The following CCDC73 variants were observed in gnomAD, a reference collection of about 807,000 sequenced individuals.
The protein encoded by CCDC73 is coiled-coil domain containing 73, also known as coiled-coil domain-containing protein 73.
CCDC73 carries 95 observed loss-of-function variants against 116.5 expected under a neutral mutation model. The ratio of observed to expected loss-of-function variants is 0.82; its 90% CI spans 0.69 to 0.97. CCDC73 has a LOEUF of 0.97. CCDC73 is among the 50% of genes least tolerant of loss of function. The pLI is 0.00. For synonymous variants in CCDC73, 398 were observed against 401.3 expected, an observed-to-expected ratio of 0.99 and a Z score of 0.10; for missense variants, 1,066 against 1,206.8, an observed-to-expected ratio of 0.88 and a Z score of 1.73.
chr11:32,634,436 C>T (rs996772968), intron 14 of CCDC73, among the ~76,000 whole-genome samples: 1 of 151,990 alleles, frequency 6.6e-6, no homozygotes, highest in African/African-American at 2.4e-5. Flanking sequence ...AAGCATTTGA[C>T]AAAATTTAAT....
At chr11:32,702,034 G>A (rs1216879051) in intron 4 of CCDC73, among the ~76,000 whole-genome samples, 1 of 152,158 alleles carries the variant, frequency 6.6e-6, no homozygotes, top group Non-Finnish European at 1.5e-5. Context: ...TACACTTTTG[G>A]CTTTTGCTTC....
chr11:32,694,528 G>C (rs1357727859), intron 6 of CCDC73, among the ~76,000 whole-genome samples: 1 of 151,966 alleles, frequency 6.6e-6, no homozygotes, highest in Admixed American at 6.6e-5. Flanking sequence ...AAACCAATGT[G>C]GCACACGTTT....
chr11:32,641,503 T>C (rs969919520), intron 13 of CCDC73, among the ~76,000 whole-genome samples: 1 of 151,990 alleles, frequency 6.6e-6, no homozygotes, highest in Non-Finnish European at 1.5e-5. Flanking sequence ...AAAATGGTAA[T>C]ACTACAGAAG....
At chr11:32,817,213 C>T in the CCDC73 span, among the ~76,000 whole-genome samples, 3 of 152,178 alleles carry the variant, frequency 2.0e-5, no homozygotes, top group East Asian at 1.9e-4. Flanking sequence ...TTTTTTTAAA[C>T]GTCAACGCAA....
chr11:32,823,799 G>A, the CCDC73 span, among the ~76,000 whole-genome samples: 2 of 152,114 alleles, frequency 1.3e-5, no homozygotes, highest in African/African-American at 4.8e-5. Flanking sequence ...GAGTGCAGTG[G>A]TGCAATCATA....
rs185577755 is a variant in CCDC73 at position 32,643,496 on chromosome 11, G to A, written c.940-1414C>T. ...ATGGTATAGCCTACTAATGGTATACGTAGACTATATAGTATAGCTTATTGC... is the reference window on the plus strand; with the variant it reads ...ATGGTATAGCCTACTAATGGTATACATAGACTATATAGTATAGCTTATTGC... On this transcript the variant is annotated intron_variant, in intron 12 of 17. Coordinates refer to ENST00000335185, the MANE Select transcript of CCDC73 (RefSeq NM_001008391.4). Among the ~76,000 whole-genome samples, 14 of 152,142 alleles carry A rather than the reference G, an allele frequency of 9.2e-5. No homozygotes were observed. In the East Asian group the frequency reaches 9.6e-4, roughly 10 times the overall value.
intron 2 of CCDC73, among the ~76,000 whole-genome samples, chr11:32,746,972 C>A (rs537953867): frequency 1.4e-3 from 209 of 152,184 alleles, no homozygotes; most frequent in Non-Finnish European, 2.3e-3. Flanking sequence ...CCCTTGCTGG[C>A]GAGGAGTTGT....
At chr11:32,764,511 C>A (rs1377243532) in intron 1 of CCDC73, among the ~76,000 whole-genome samples, 1 of 152,130 alleles carries the variant, frequency 6.6e-6, no homozygotes, top group Non-Finnish European at 1.5e-5. Flanking sequence ...TCCAGCCAAA[C>A]TATGCTTCAT....
At chr11:32,692,909 T>A (rs998006424) in intron 6 of CCDC73, among the ~76,000 whole-genome samples, 1 of 152,232 alleles carries the variant, frequency 6.6e-6, no homozygotes, top group Non-Finnish European at 1.5e-5. Flanking sequence ...CCTCTAAGCA[T>A]ACTGTTTTCA....
chr11:32,761,108 T>A (rs960269384), intron 1 of CCDC73, among the ~76,000 whole-genome samples: 1 of 152,220 alleles, frequency 6.6e-6, no homozygotes, highest in Non-Finnish European at 1.5e-5. Flanking sequence ...TCTGTGGTCA[T>A]ACCCACTCTC....
chr11:32,734,853 G>A (rs1399070509), intron 2 of CCDC73, among the ~76,000 whole-genome samples: 1 of 152,166 alleles, frequency 6.6e-6, no homozygotes, highest in East Asian at 1.9e-4. Context: ...TGGGATGCAA[G>A]GCTGGTTCAA....
chr11:32,824,994 A>G, the CCDC73 span, among the ~76,000 whole-genome samples: 1 of 152,204 alleles, frequency 6.6e-6, no homozygotes, highest in Non-Finnish European at 1.5e-5. Context: ...CTGAGGCAGA[A>G]GGATCGCTGG....
At chr11:32,731,597 C>T (rs1850078741) in intron 2 of CCDC73, among the ~76,000 whole-genome samples, 1 of 152,198 alleles carries the variant, frequency 6.6e-6, no homozygotes, top group Admixed American at 6.5e-5. Context: ...GCAACATTTG[C>T]TATTCTGCAA....
At chr11:32,749,881 T>C (rs1441940481) in intron 2 of CCDC73, among the ~76,000 whole-genome samples, 1 of 151,764 alleles carries the variant, frequency 6.6e-6, no homozygotes, top group East Asian at 1.9e-4. Flanking sequence ...TTTTTTCTTT[T>C]TTTTTTTGAG....
chr11:32,761,327 A>G (rs1488706776), intron 1 of CCDC73, among the ~76,000 whole-genome samples: 1 of 151,786 alleles, frequency 6.6e-6, no homozygotes, highest in African/African-American at 2.4e-5. Flanking sequence ...TTACTGAACT[A>G]CTCACCCACT....
intron 1 of CCDC73, among the ~76,000 whole-genome samples, chr11:32,793,921 A>G (rs982161219): frequency 4.6e-5 from 7 of 152,106 alleles, no homozygotes; most frequent in African/African-American, 1.7e-4. Flanking sequence ...AATAATTTAT[A>G]TCTAGAATTC....
At chr11:32,759,462 C>G (rs1469504743) in intron 2 of CCDC73, among the ~76,000 whole-genome samples, 2 of 151,772 alleles carry the variant, frequency 1.3e-5, no homozygotes, top group Non-Finnish European at 2.9e-5. Context: ...TCCTGAGCAG[C>G]TGGGACTACA....
At chr11:32,751,391 A>G (rs187292046) in intron 2 of CCDC73, among the ~76,000 whole-genome samples, 1 of 152,310 alleles carries the variant, frequency 6.6e-6, no homozygotes, top group East Asian at 1.9e-4. Context: ...TGAGACCAGT[A>G]CAGCACTAGG....
chr11:32,818,467 C>T, the CCDC73 span, among the ~76,000 whole-genome samples: 1 of 152,282 alleles, frequency 6.6e-6, no homozygotes, highest in Non-Finnish European at 1.5e-5. Flanking sequence ...AGCCAAGTAC[C>T]ACACACATAT....
Sources: gnomAD v4.1 joint callset for allele counts (sites outside exome capture counted in the v4.1 genomes callset) on GRCh38, gnomAD v4.1.1 for gene constraint, MANE v1.5 for transcripts, NCBI Gene and HGNC (gene_info 2026-07-23, HGNC 2026-07-21) for gene names.